The following ACCSL variants were observed in gnomAD, a reference collection of about 807,000 sequenced individuals.
ACCSL encodes probable inactive 1-aminocyclopropane-1-carboxylate synthase-like protein 2.
In ACCSL, 55 loss-of-function variants were observed where a neutral mutation model predicts 61.7. The observed-to-expected ratio is 0.89, with a 90% confidence interval of 0.72 to 1.12. The LOEUF (loss-of-function observed/expected upper bound fraction) is 1.12, where lower values mean the gene tolerates loss of function less well. ACCSL is among the 50% of genes most tolerant of loss of function. The pLI, the probability that ACCSL is intolerant of heterozygous loss-of-function variation, is 0.00. For missense variants in ACCSL, 632 were observed against 698.0 expected, an observed-to-expected ratio of 0.91 and a Z score of 1.07; for synonymous variants, 258 against 264.3, an observed-to-expected ratio of 0.98 and a Z score of 0.23.
At chr11:44,036,781 C>CAA in the ACCSL span, among the ~76,000 whole-genome samples, 453 of 56,494 alleles carry the variant, frequency 8.0e-3, 8 homozygotes, top group African/African-American at 0.025. Flanking sequence ...GACACCAGCT[C>CAA]AAAAAAAAAA....
the ACCSL span, among the ~76,000 whole-genome samples, chr11:44,010,717 G>A: frequency 2.4e-4 from 37 of 152,254 alleles, no homozygotes; most frequent in African/African-American, 6.7e-4. Context: ...GATTTACTTC[G>A]TTCTCCAAAC....
the ACCSL span, among the ~76,000 whole-genome samples, chr11:43,926,221 T>A: frequency 6.6e-6 from 1 of 152,112 alleles, no homozygotes; most frequent in Admixed American, 6.5e-5. Flanking sequence ...GATGCCAAAG[T>A]GGCCTTGCGT....
the ACCSL span, among the ~76,000 whole-genome samples, chr11:43,957,165 G>A: frequency 6.6e-6 from 1 of 152,186 alleles, no homozygotes; most frequent in Non-Finnish European, 1.5e-5. Context: ...AGGAGAGCCT[G>A]AGAACATGTC....
chr11:44,006,114 C>A, the ACCSL span, among the ~76,000 whole-genome samples: 3 of 152,200 alleles, frequency 2.0e-5, no homozygotes, highest in African/African-American at 7.2e-5. Flanking sequence ...CAGAACTGGA[C>A]CAGTCTGAAA....
chr11:43,938,220 T>C, the ACCSL span, among the ~76,000 whole-genome samples: 11 of 152,304 alleles, frequency 7.2e-5, no homozygotes, highest in African/African-American at 2.6e-4. Context: ...GGTGACCCCT[T>C]ATTCTGTGTC....
chr11:43,953,590 A>G, the ACCSL span, among the ~76,000 whole-genome samples: 2 of 151,974 alleles, frequency 1.3e-5, no homozygotes, highest in African/African-American at 2.4e-5. Context: ...GATGGTGATG[A>G]AAGTGACCTC....
the ACCSL span, among the ~76,000 whole-genome samples, chr11:43,990,421 T>A: frequency 1.3e-5 from 2 of 152,158 alleles, no homozygotes; most frequent in Non-Finnish European, 2.9e-5. Flanking sequence ...TTCTTACCGT[T>A]TCCTCGCGAG....
the ACCSL span, among the ~76,000 whole-genome samples, chr11:44,000,210 C>T: frequency 1.3e-5 from 2 of 152,086 alleles, no homozygotes; most frequent in Admixed American, 6.5e-5. Flanking sequence ...CTGCAACCTC[C>T]GCCTCCCGGG....
chr11:43,935,079 G>C, the ACCSL span, among the ~76,000 whole-genome samples: 1 of 152,170 alleles, frequency 6.6e-6, no homozygotes, highest in Non-Finnish European at 1.5e-5. Context: ...CTGGCTGAAG[G>C]GGAGGCATCT....
chr11:43,953,484 G>A, the ACCSL span, among the ~76,000 whole-genome samples: 1 of 142,014 alleles, frequency 7.0e-6, no homozygotes, highest in East Asian at 2.1e-4. Flanking sequence ...TCACACCATT[G>A]CACTCCAGCC....
chr11:43,943,686 C>G, the ACCSL span: 1 of 1,304,546 alleles, frequency 7.7e-7, no homozygotes, highest in African/African-American at 1.5e-5. The surrounding 1 kb of genome is among the most constrained non-coding windows in gnomAD (Gnocchi z 4.8). Context: ...CGCCAACACT[C>G]TCGCTGAACA....
At chr11:43,954,001 G>A in the ACCSL span, among the ~76,000 whole-genome samples, 15 of 152,134 alleles carry the variant, frequency 9.9e-5, no homozygotes, top group African/African-American at 3.1e-4. Flanking sequence ...GTCCACAGCT[G>A]TATTGGGATG....
In ACCSL at chr11:44,056,264, G is replaced by C; in HGVS notation, c.1265G>C (p.Gly422Ala). Residue 422 changes from glycine (G) to alanine (A), a missense_variant, in exon 11 of 14, where the codon GGC becomes GCC. Coordinates refer to ENST00000378832, the MANE Select transcript of ACCSL (RefSeq NM_001031854.2). ...GTGGCCTCTGCTGTGAGTGCCTTTGGCTACCTCCACAGTATTTCTGGCATC... is the reference window on the plus strand; with the variant it reads ...GTGGCCTCTGCTGTGAGTGCCTTTGCCTACCTCCACAGTATTTCTGGCATC... ...KEVASAVSAF[G>A]YLHSISGITQ... 6.2e-7 allele frequency: 1 copy of C among 1,614,160 alleles called. No homozygotes were observed. Among genetic ancestry groups the C allele is most frequent in the Non-Finnish European group, 8.5e-7 (1 of 1,180,032 alleles).
chr11:43,983,838 G>A, the ACCSL span, among the ~76,000 whole-genome samples: 3 of 152,048 alleles, frequency 2.0e-5, no homozygotes, highest in Non-Finnish European at 2.9e-5. Flanking sequence ...CTGTCAGGCC[G>A]GGCGCTGTGG....
chr11:43,950,334 G>A, the ACCSL span, among the ~76,000 whole-genome samples: 1 of 152,202 alleles, frequency 6.6e-6, no homozygotes, highest in East Asian at 1.9e-4. Context: ...CCTTGGCAAA[G>A]GAAACTTTCT....
At chr11:43,997,997 G>A in the ACCSL span, among the ~76,000 whole-genome samples, 1 of 152,302 alleles carries the variant, frequency 6.6e-6, no homozygotes, top group African/African-American at 2.4e-5. Flanking sequence ...GTAGCATGGT[G>A]GTTTAAAAGC....
At position 44,056,178 on chromosome 11, in the gene ACCSL, C is replaced by T. The variant is rs755210232; in HGVS notation, c.1186-7C>T. On this transcript the variant is annotated splice_polypyrimidine_tract_variant and splice_region_variant and intron_variant, in intron 10 of 13. Coordinates refer to ENST00000378832, the MANE Select transcript of ACCSL (RefSeq NM_001031854.2). The stretch of plus-strand genomic sequence containing the variant: ...ACTTGTTCCTGTTCCTGCTTTTCTT[C>T]CTCTAGGATTTTGGCATCTCTGGCT... The T allele has an allele frequency of 9.3e-5, 150 of 1,614,068 alleles. No individual in the cohort carries two copies. The highest frequency in any genetic ancestry group is 1.2e-4 in the Non-Finnish European group (146 of 1,180,042).
chr11:44,048,979 C>A (rs1448131548), intron 1 of ACCSL, among the ~76,000 whole-genome samples: 1 of 152,132 alleles, frequency 6.6e-6, no homozygotes, highest in African/African-American at 2.4e-5. Context: ...ATGGCCATGA[C>A]CCTCCAGGCA....
chr11:43,979,786 G>A, the ACCSL span, among the ~76,000 whole-genome samples: 1 of 149,660 alleles, frequency 6.7e-6, no homozygotes, highest in Admixed American at 6.7e-5. Context: ...GGCGGGGGTT[G>A]CAGTGGGCTG....
Sources: allele counts gnomAD v4.1 joint callset (sites outside exome capture counted in the v4.1 genomes callset), GRCh38; gene constraint gnomAD v4.1.1; non-coding constraint Gnocchi (gnomAD v3.1); transcripts MANE v1.5; gene names NCBI Gene and HGNC (gene_info 2026-07-23, HGNC 2026-07-21).